ARHGAP26: variants seen among roughly 807,000 people sequenced by gnomAD.
The protein encoded by ARHGAP26 is Rho GTPase activating protein 26.
In ARHGAP26, 38 loss-of-function variants were observed where a neutral mutation model predicts 104.8. The observed-to-expected ratio is 0.36, with a 90% confidence interval of 0.28 to 0.48. The LOEUF is 0.48. ARHGAP26 is among the 20% of genes least tolerant of loss of function. ARHGAP26 has a pLI of 0.99. For synonymous variants in ARHGAP26, 341 were observed against 340.0 expected (o/e 1.00, Z -0.03); for missense variants, 704 against 947.9 (o/e 0.74, Z 3.38).
At chr5:142,808,603 T>C (rs571650732) in intron 1 of ARHGAP26, among the ~76,000 whole-genome samples, 1 of 152,284 alleles carries the variant, frequency 6.6e-6, no homozygotes, top group East Asian at 1.9e-4. Context: ...TTTTGATTGC[T>C]AGCCCAGCTG....
chr5:142,771,157 G>A (rs1234681284), intron 1 of ARHGAP26: 4 of 1,292,602 alleles, frequency 3.1e-6, no homozygotes, highest in African/African-American at 1.5e-5. Flanking sequence ...GACCCAGCGC[G>A]GGTGGTGCTC....
intron 17 of ARHGAP26, among the ~76,000 whole-genome samples, chr5:143,081,766 C>A (rs917652194): frequency 3.3e-5 from 5 of 152,182 alleles, no homozygotes; most frequent in Non-Finnish European, 7.4e-5. Flanking sequence ...GTAATCCCAG[C>A]ACTCTGGGAG....
intron 10 of ARHGAP26, among the ~76,000 whole-genome samples, chr5:142,918,206 G>A (rs1489878183): frequency 6.6e-6 from 1 of 151,956 alleles, no homozygotes; most frequent in Non-Finnish European, 1.5e-5. Context: ...GAGTGCAGTG[G>A]TGTGATCTTG....
At chr5:143,016,807 G>A (rs1171163920) in intron 12 of ARHGAP26, among the ~76,000 whole-genome samples, 8 of 151,958 alleles carry the variant, frequency 5.3e-5, no homozygotes, top group Admixed American at 4.6e-4. Flanking sequence ...CAGTGTGATG[G>A]TCTGGTTTAG....
intron 11 of ARHGAP26, among the ~76,000 whole-genome samples, chr5:143,009,306 C>T (rs1778417191): frequency 6.6e-6 from 1 of 152,198 alleles, no homozygotes; most frequent in Admixed American, 6.5e-5. Flanking sequence ...TCAGCATCAT[C>T]ATCGTCGTCA....
intron 17 of ARHGAP26, chr5:143,058,182 G>A (rs1294204916): frequency 2.4e-6 from 1 of 416,868 alleles, no homozygotes; most frequent in Non-Finnish European, 4.7e-6. Context: ...TTATTAACCT[G>A]CTGCTTAACC....
At chr5:143,173,550 G>A (rs1050240161) in intron 20 of ARHGAP26, among the ~76,000 whole-genome samples, 16 of 152,184 alleles carry the variant, frequency 1.1e-4, no homozygotes, top group African/African-American at 2.4e-4. Context: ...CAGGCACTTC[G>A]CTTCGCAATT....
intron 20 of ARHGAP26, among the ~76,000 whole-genome samples, chr5:143,168,362 T>A (rs1253173126): frequency 1.3e-5 from 2 of 151,988 alleles, no homozygotes; most frequent in Non-Finnish European, 2.9e-5. Context: ...TCAATTTATT[T>A]CATGTAATTG....
chr5:142,792,576 A>G (rs1159699125), intron 1 of ARHGAP26, among the ~76,000 whole-genome samples: 1 of 152,174 alleles, frequency 6.6e-6, no homozygotes, highest in Non-Finnish European at 1.5e-5. Flanking sequence ...CTGACCGTGC[A>G]GGGATCTAGT....
intron 11 of ARHGAP26, among the ~76,000 whole-genome samples, chr5:142,982,484 A>G (rs1774085916): frequency 6.6e-6 from 1 of 152,186 alleles, no homozygotes; most frequent in Non-Finnish European, 1.5e-5. Flanking sequence ...CTAAACAGGA[A>G]GGAGCGGGCA....
At chr5:142,948,876 G>A (rs1256313210) in intron 11 of ARHGAP26, among the ~76,000 whole-genome samples, 1 of 151,954 alleles carries the variant, frequency 6.6e-6, no homozygotes, top group Non-Finnish European at 1.5e-5. Flanking sequence ...AGGCCTAGGC[G>A]GATGGATCAC....
At chr5:142,808,637 A>G (rs1419501572) in intron 1 of ARHGAP26, among the ~76,000 whole-genome samples, 2 of 152,014 alleles carry the variant, frequency 1.3e-5, no homozygotes, top group Non-Finnish European at 2.9e-5. Flanking sequence ...CACTTTGTGG[A>G]GCAGGCTGGA....
intron 18 of ARHGAP26, among the ~76,000 whole-genome samples, chr5:143,123,970 C>CACAA (rs1272061945): frequency 6.6e-6 from 1 of 152,174 alleles, no homozygotes; most frequent in African/African-American, 2.4e-5. Context: ...TAGAAACACA[C>CACAA]ACACACACAC....
chr5:143,151,119 G>A (rs1472971241), intron 20 of ARHGAP26, among the ~76,000 whole-genome samples: 1 of 152,064 alleles, frequency 6.6e-6, no homozygotes, highest in Non-Finnish European at 1.5e-5. Context: ...AATATGAACA[G>A]ATACCTCATC....
At chr5:142,790,125 T>C (rs1759499903) in intron 1 of ARHGAP26, among the ~76,000 whole-genome samples, 1 of 152,238 alleles carries the variant, frequency 6.6e-6, no homozygotes, top group South Asian at 2.1e-4. Context: ...CTTTTGTTTT[T>C]GTGGGCAGAC....
In ARHGAP26 at chr5:143,213,996, G is replaced by A; in HGVS notation, c.2100-1G>A. On this transcript the variant is annotated splice_acceptor_variant, in intron 21 of 22. Transcript: ENST00000645722. LOFTEE classifies it high-confidence loss of function. Reference sequence around the variant, plus strand: ...TTAAATAAACTCCTGTTTTCACACAGCACACCGTTCCGGAAGGCAAAAGCC... The same window carrying A: ...TTAAATAAACTCCTGTTTTCACACAACACACCGTTCCGGAAGGCAAAAGCC... 1.3e-6 allele frequency: 2 copies of A among 1,582,408 alleles called. No individual in the cohort carries two copies. Among genetic ancestry groups the A allele is most frequent in the Non-Finnish European group, 1.7e-6 (2 of 1,156,888 alleles).
At chr5:143,037,986 C>A (rs964869667) in intron 13 of ARHGAP26, among the ~76,000 whole-genome samples, 1 of 152,240 alleles carries the variant, frequency 6.6e-6, no homozygotes, top group African/African-American at 2.4e-5. Flanking sequence ...GCTGGTTCAT[C>A]CTGATGGTCT....
At chr5:142,924,310 A>G (rs1763610508) in intron 10 of ARHGAP26, among the ~76,000 whole-genome samples, 1 of 151,778 alleles carries the variant, frequency 6.6e-6, no homozygotes, top group South Asian at 2.1e-4. Flanking sequence ...CATGTATGCT[A>G]CATGCACAGG....
chr5:142,789,853 T>C (rs1456143208), intron 1 of ARHGAP26, among the ~76,000 whole-genome samples: 1 of 152,152 alleles, frequency 6.6e-6, no homozygotes, highest in African/African-American at 2.4e-5. Context: ...TCTTTCCTTA[T>C]GTATCCAGGA....
Sources: allele counts gnomAD v4.1 joint callset (sites outside exome capture counted in the v4.1 genomes callset), GRCh38; gene constraint gnomAD v4.1.1; transcripts MANE v1.5; gene names NCBI Gene and HGNC (gene_info 2026-07-23, HGNC 2026-07-21).